MLANA: variants seen among roughly 807,000 people sequenced by gnomAD.
MLANA encodes the protein melan-A.
A neutral mutation model predicts 15.7 loss-of-function variants in MLANA; 21 were observed. That is an observed-to-expected ratio of 1.33 (90% confidence interval 0.95 to 1.92). The LOEUF is 1.92. MLANA is among the 40% of genes most tolerant of loss of function. The pLI is 0.00. For synonymous variants in MLANA, 56 were observed against 51.5 expected, an observed-to-expected ratio of 1.09 and a Z score of -0.37; for missense variants, 164 against 143.8, an observed-to-expected ratio of 1.14 and a Z score of -0.72.
chr9:5,897,409 A>G (rs1832100460), intron 2 of MLANA, 148 bp from the exon 3 acceptor site: 1 of 688,408 alleles, frequency 1.5e-6, no homozygotes, highest in South Asian at 1.7e-5. Flanking sequence ...TGGGGTGCCC[A>G]GTGTGGGAGG....
intron 2 of MLANA, among the ~76,000 whole-genome samples, chr9:5,893,718 A>C (rs1235068193): frequency 3.9e-5 from 6 of 152,144 alleles, no homozygotes. Context: ...AAAATTCAAG[A>C]GTAAAGAGTT....
rs528201993 is a variant in MLANA, at chr9:5,894,676, TACAG to T, written c.77+2129_77+2132del. On this transcript the variant is annotated intron_variant, in intron 2 of 4. Coordinates refer to ENST00000381477, the MANE Select transcript of MLANA (RefSeq NM_005511.2). The surrounding 1 kb of genome is among the most constrained non-coding windows in gnomAD (Gnocchi z 4.0). ...GGAAAACGAGCTGGTGCTTGGCATA[TACAG>T]ACAATGTGAGCATTGCTGGGGTGAT... Among the ~76,000 whole-genome samples, 291 of 152,242 alleles carry T rather than the reference TACAG, an allele frequency of 1.9e-3. 1 individual carries two copies. Among genetic ancestry groups the T allele is most frequent in the African/African-American group, 6.4e-3 (267 of 41,540 alleles).
rs1277230749 is a variant in MLANA at position 5,901,049 on chromosome 9, C to T, written c.174+3396C>T. The stretch of plus-strand genomic sequence containing the variant: ...AGGAATCTATATTTTAAAATGTACA[C>T]CCAGTTTTAATGTAAATACAGAGAA... On this transcript the variant is annotated intron_variant, in intron 3 of 4. Transcript: ENST00000381477. Among the ~76,000 whole-genome samples, 3 of 151,916 alleles carry T rather than the reference C, an allele frequency of 2.0e-5. No individual in the cohort carries two copies. In the East Asian group the frequency reaches 5.8e-4, roughly 29 times the overall value.
intron 2 of MLANA, among the ~76,000 whole-genome samples, chr9:5,896,467 G>A (rs1407709447): frequency 6.6e-6 from 1 of 152,186 alleles, no homozygotes; most frequent in Non-Finnish European, 1.5e-5. Context: ...GGATAAGCTT[G>A]ATGTCTCCTC....
chr9:5,903,763 C>G (rs1832605692), intron 3 of MLANA, among the ~76,000 whole-genome samples: 1 of 152,198 alleles, frequency 6.6e-6, no homozygotes, highest in African/African-American at 2.4e-5. Flanking sequence ...CCCTCTTTAT[C>G]CCTGATAACT....
intron 3 of MLANA, among the ~76,000 whole-genome samples, chr9:5,905,865 C>A (rs866664040): frequency 6.6e-6 from 1 of 152,180 alleles, no homozygotes; most frequent in South Asian, 2.1e-4. Context: ...ACTATTCTCC[C>A]GGCCATGGTC....
chr9:5,903,497 A>G (rs866289519), intron 3 of MLANA, among the ~76,000 whole-genome samples: 35 of 152,014 alleles, frequency 2.3e-4, no homozygotes, highest in African/African-American at 8.0e-4. Flanking sequence ...TTTGTTTTTG[A>G]TATTAGGGTA....
intron 2 of MLANA, 85 bp downstream of exon 2, chr9:5,892,636 C>A: frequency 9.5e-7 from 1 of 1,050,350 alleles, no homozygotes; most frequent in South Asian, 1.6e-5. Flanking sequence ...CATGCCTGCT[C>A]GTAAATCTCC....
At chr9:5,899,690 A>G (rs889764441) in intron 3 of MLANA, among the ~76,000 whole-genome samples, 1 of 152,232 alleles carries the variant, frequency 6.6e-6, no homozygotes, top group African/African-American at 2.4e-5. Flanking sequence ...TGGGGTTATG[A>G]CATTGCCTTG....
rs1833038436 is a variant in MLANA, at chr9:5,909,571, T to C, written c.*863T>C. The C allele has an allele frequency of 6.6e-6, 1 of 152,208 alleles. No homozygotes were observed. The allele number at this position is 152,208 out of a possible 1,614,324, so 9.4% of individuals were successfully genotyped here. ...CCACGCCTGGCTGGATCCTATATCT[T>C]AGGTAAGACATATAACGCAGTCTAA... On this transcript the variant is annotated 3_prime_UTR_variant, in exon 5 of 5. Coordinates refer to ENST00000381477, the MANE Select transcript of MLANA (RefSeq NM_005511.2).
At chr9:5,891,779 A>T (rs1382688677) in intron 1 of MLANA, among the ~76,000 whole-genome samples, 1 of 152,240 alleles carries the variant, frequency 6.6e-6, no homozygotes, top group Non-Finnish European at 1.5e-5. Context: ...TTAAGTAGGA[A>T]GGGAAACACA....
intron 2 of MLANA, among the ~76,000 whole-genome samples, chr9:5,893,398 G>C (rs375311891): frequency 6.6e-6 from 1 of 152,160 alleles, no homozygotes; most frequent in East Asian, 1.9e-4. Context: ...TCTTTCTTTG[G>C]AAAGAGCTGT....
intron 3 of MLANA, among the ~76,000 whole-genome samples, chr9:5,900,890 G>A (rs1407403238): frequency 1.4e-5 from 2 of 148,094 alleles, no homozygotes; most frequent in Non-Finnish European, 3.0e-5. Context: ...CATGGCCCTT[G>A]CTCTCAGCTC....
chr9:5,897,784 C>T, intron 3 of MLANA, 131 bp downstream of exon 3: 1 of 794,822 alleles, frequency 1.3e-6, no homozygotes, highest in Non-Finnish European at 2.1e-6. Context: ...CTTCTGATGC[C>T]TCTTTTGCTA....
intron 1 of MLANA, 151 bp downstream of exon 1, chr9:5,891,087 TCAGAGGGCTCA>T (rs577906877): frequency 1.1e-4 from 16 of 152,272 alleles, no homozygotes; most frequent in African/African-American, 3.9e-4. Flanking sequence ...GTCTCCAACC[TCAGAGGGCTCA>T]CAAAGCCTCC....
chr9:5,891,802 G>A (rs1831672158), intron 1 of MLANA, among the ~76,000 whole-genome samples: 1 of 152,234 alleles, frequency 6.6e-6, no homozygotes. Context: ...GTTAGATAAA[G>A]TCAGGTCCTG....
chr9:5,905,720 C>T (rs1256679896), intron 3 of MLANA, among the ~76,000 whole-genome samples: 3 of 152,190 alleles, frequency 2.0e-5, no homozygotes, highest in Non-Finnish European at 2.9e-5. Flanking sequence ...CATGTCCTGC[C>T]TTTTCAGGCT....
chr9:5,908,609 A>G (rs1300332156), intron 4 of MLANA, 31 bp from the exon 5 acceptor site: 1 of 1,587,398 alleles, frequency 6.3e-7, no homozygotes, highest in African/African-American at 1.3e-5. Context: ...ACTGTTGCCA[A>G]GCCCATATTC....
At chr9:5,893,537 T>C (rs1184874330) in intron 2 of MLANA, among the ~76,000 whole-genome samples, 1 of 152,164 alleles carries the variant, frequency 6.6e-6, no homozygotes, top group Non-Finnish European at 1.5e-5. Flanking sequence ...CTAATATCCC[T>C]GGCCAATTGG....
Sources: gnomAD v4.1 joint callset for allele counts (sites outside exome capture counted in the v4.1 genomes callset) on GRCh38, gnomAD v4.1.1 for gene constraint, Gnocchi (gnomAD v3.1) non-coding constraint, MANE v1.5 for transcripts, NCBI Gene and HGNC (gene_info 2026-07-23, HGNC 2026-07-21) for gene names.